Variants in ADD1 observed in about 807,000 individuals in gnomAD.
ADD1 encodes adducin 1.
In ADD1, 24 loss-of-function variants were observed where a neutral mutation model predicts 80.5. The observed-to-expected ratio is 0.30, with a 90% CI of 0.22 to 0.42. The LOEUF (loss-of-function observed/expected upper bound fraction) is 0.42. Ranked by LOEUF, ADD1 falls within the 10% of genes least tolerant of loss-of-function variation. The pLI is 1.00. For missense variants in ADD1, 948 were observed against 1,019.0 expected (o/e 0.93, Z 0.95); for synonymous variants, 373 against 393.8 (o/e 0.95, Z 0.63).
At chr4:2,908,663 A>G (rs1737470820) in intron 12 of ADD1, 59 bp downstream of exon 12, 10 of 1,389,676 alleles carry the variant, frequency 7.2e-6, no homozygotes, top group African/African-American at 2.8e-5. Flanking sequence ...CGCCTGCTCC[A>G]AAGTTATTCT....
At chr4:2,861,524 A>C (rs915984928) in intron 1 of ADD1, among the ~76,000 whole-genome samples, 4 of 152,102 alleles carry the variant, frequency 2.6e-5, no homozygotes, top group Non-Finnish European at 5.9e-5. Flanking sequence ...ATTCAAACAG[A>C]TGTTTTGTTG....
chr4:2,881,795 A>T, intron 2 of ADD1, 103 bp from the exon 3 acceptor site: 1 of 915,488 alleles, frequency 1.1e-6, no homozygotes, highest in Non-Finnish European at 1.6e-6. Context: ...CCTTTCCAGC[A>T]CTGGATGAAA....
In ADD1 at chr4:2,898,474, G is replaced by A; in HGVS notation, c.927G>A (p.Glu309=). 3.7e-6 allele frequency: 6 copies of A among 1,614,240 alleles called. No homozygotes were observed. The highest frequency in any genetic ancestry group is 5.1e-6 in the Non-Finnish European group (6 of 1,180,046). The change falls in exon 8 of 16, where the codon GAG becomes GAA. Residue 309 remains glutamate, a synonymous_variant. Coordinates refer to ENST00000683351, the MANE Select transcript of ADD1 (RefSeq NM_001354761.2). The part of the protein sequence containing the change: ...LRNHGLVSVG[E]SVEEAFYYIH... ...ACCATGGGCTCGTGTCAGTTGGAGAGAGCGTTGAGGAGGCCTTCTATTACA... is the reference window on the plus strand; with the variant it reads ...ACCATGGGCTCGTGTCAGTTGGAGAAAGCGTTGAGGAGGCCTTCTATTACA...
intron 5 of ADD1, 114 bp from the exon 6 acceptor site, chr4:2,894,468 A>C (rs1734819727): frequency 2.2e-6 from 2 of 928,554 alleles, no homozygotes; most frequent in South Asian, 1.8e-5. Context: ...CCGAGGTCGC[A>C]CCACTGCACT....
intron 1 of ADD1, among the ~76,000 whole-genome samples, chr4:2,859,150 A>G (rs527461072): frequency 6.6e-6 from 1 of 152,328 alleles, no homozygotes; most frequent in South Asian, 2.1e-4. Context: ...AGAAATGTTT[A>G]AAATTATAGA....
intron 1 of ADD1, among the ~76,000 whole-genome samples, chr4:2,859,987 A>G (rs1213074549): frequency 6.7e-6 from 1 of 149,118 alleles, no homozygotes; most frequent in African/African-American, 2.5e-5. Flanking sequence ...TTACGTGTTT[A>G]ATTAGATTAT....
At chr4:2,914,717 C>A in intron 13 of ADD1, 167 bp from the exon 14 acceptor site, 1 of 686,838 alleles carries the variant, frequency 1.5e-6, no homozygotes, top group Non-Finnish European at 2.5e-6. Context: ...TTATATACCA[C>A]TGAAGGCTGC....
In ADD1 at chr4:2,909,312, C is replaced by T. The variant is rs77296953; in HGVS notation, c.1699-27C>T. On this transcript the variant is annotated intron_variant, in intron 12 of 15. Coordinates refer to ENST00000683351, the MANE Select transcript of ADD1 (RefSeq NM_001354761.2). ...TATTTCACAGGCTGGGCCTGGTGTG[C>T]TCTGGTGACTCAGTTTACTGTTTCA... The T allele has an allele frequency of 8.8e-5, 134 of 1,529,734 alleles. No individual in the cohort carries two copies. In the East Asian group the frequency reaches 3.2e-3, roughly 37 times the overall value. 94.8% of individuals were successfully genotyped at this position (1,529,734 alleles called of 1,614,324 possible).
chr4:2,846,813 CT>C (rs1170478927), intron 1 of ADD1, among the ~76,000 whole-genome samples: 5 of 116,480 alleles, frequency 4.3e-5, no homozygotes, highest in African/African-American at 1.1e-4. Flanking sequence ...TACTCTGTCT[CT>C]TTAAAAAAAA....
Position 2,926,745 on chromosome 4 carries a change from G to A in ADD1, c.2047+633G>A, listed in dbSNP as rs1398192542. On this transcript the variant is annotated intron_variant, in intron 15 of 15. Coordinates refer to ENST00000683351, the MANE Select transcript of ADD1 (RefSeq NM_001354761.2). This position sits in a 1 kb window ranked among gnomAD's most constrained non-coding sequence, Gnocchi z 5.0. ...TGCCTCATTCTCCTGCTTCTTTGTT[G>A]TTTATTAAGTTTTGTTTTCTGTTTA... 19 of 1,496,636 alleles carry A rather than the reference G, an allele frequency of 1.3e-5. No individual in the cohort carries two copies. The highest frequency in any genetic ancestry group is 1.6e-5 in the Non-Finnish European group (18 of 1,094,274). 92.7% of individuals were successfully genotyped at this position (1,496,636 alleles called of 1,614,324 possible).
chr4:2,900,772 G>A (rs887058248), intron 9 of ADD1: 3 of 152,236 alleles, frequency 2.0e-5, no homozygotes, highest in Admixed American at 2.0e-4. Flanking sequence ...CAGTGGAGTA[G>A]ACTCAATCAG....
intron 1 of ADD1, among the ~76,000 whole-genome samples, chr4:2,852,174 CTTT>C (rs1273831342): frequency 0.019 from 1,388 of 72,292 alleles, 12 homozygotes; most frequent in Non-Finnish European, 0.024. Context: ...TTCTTTCTTT[CTTT>C]CTTTCTTTCT....
intron 11 of ADD1, among the ~76,000 whole-genome samples, chr4:2,908,201 G>C (rs1737387245): frequency 6.6e-6 from 1 of 152,256 alleles, no homozygotes. Flanking sequence ...AGCCCTGCCA[G>C]TGCTCACATC....
chr4:2,908,399 G>T, intron 11 of ADD1, 116 bp from the exon 12 acceptor site: 1 of 861,394 alleles, frequency 1.2e-6, no homozygotes, highest in East Asian at 2.6e-5. Context: ...GTGGGGCAGT[G>T]GGAGAGCTGA....
intron 8 of ADD1, 162 bp from the exon 9 acceptor site, chr4:2,899,096 CT>C (rs2109029097): frequency 1.3e-6 from 1 of 742,050 alleles, no homozygotes; most frequent in East Asian, 2.8e-5. Flanking sequence ...AGAAATACTT[CT>C]GAAAGTAACT....
chr4:2,866,955 C>T (rs1661182195), intron 1 of ADD1, among the ~76,000 whole-genome samples: 1 of 152,108 alleles, frequency 6.6e-6, no homozygotes, highest in South Asian at 2.1e-4. Flanking sequence ...CCTGTAGTCC[C>T]AAGCTACTTG....
At chr4:2,848,608 G>A (rs1726609967) in intron 1 of ADD1, among the ~76,000 whole-genome samples, 1 of 151,894 alleles carries the variant, frequency 6.6e-6, no homozygotes, top group Non-Finnish European at 1.5e-5. Flanking sequence ...AGCTAAGACT[G>A]CAGGTTCATG....
chr4:2,907,450 T>G (rs1737253613), intron 10 of ADD1: 1 of 279,466 alleles, frequency 3.6e-6, no homozygotes, highest in Non-Finnish European at 7.1e-6. Context: ...CCCAGGGTTA[T>G]GGGGCTCAGC....
chr4:2,884,776 T>C, intron 4 of ADD1, 110 bp downstream of exon 4: 1 of 1,275,274 alleles, frequency 7.8e-7, no homozygotes, highest in African/African-American at 1.5e-5. Context: ...CAGTAAGTCT[T>C]GGAATACCTC....
Sources: gnomAD v4.1 joint callset for allele counts (sites outside exome capture counted in the v4.1 genomes callset) on GRCh38, gnomAD v4.1.1 for gene constraint, Gnocchi (gnomAD v3.1) non-coding constraint, MANE v1.5 for transcripts, NCBI Gene and HGNC (gene_info 2026-07-23, HGNC 2026-07-21) for gene names.